IL31RA: variants seen among roughly 807,000 people sequenced by gnomAD.
IL31RA encodes the protein interleukin-31 receptor subunit alpha.
In IL31RA, 66 loss-of-function variants were observed where a neutral mutation model predicts 83.7. That is an observed-to-expected ratio of 0.79 (90% CI 0.65 to 0.97). IL31RA has a LOEUF of 0.97. Ranked by LOEUF, IL31RA falls within the 50% of genes least tolerant of loss-of-function variation. IL31RA has a pLI of 0.00. For missense variants in IL31RA, 798 were observed against 919.4 expected, an observed-to-expected ratio of 0.87 and a Z score of 1.71; for synonymous variants, 325 against 329.0, an observed-to-expected ratio of 0.99 and a Z score of 0.13.
chr5:55,894,202 C>A (rs161649), intron 6 of IL31RA, among the ~76,000 whole-genome samples: 1 of 151,430 alleles, frequency 6.6e-6, no homozygotes, highest in East Asian at 1.9e-4. Flanking sequence ...AGATTCTGCA[C>A]GTGAGAGATG....
At chr5:55,916,401 C>T (rs1244214011) in intron 14 of IL31RA, among the ~76,000 whole-genome samples, 1 of 150,994 alleles carries the variant, frequency 6.6e-6, no homozygotes, top group Non-Finnish European at 1.5e-5. Context: ...AAATTATATA[C>T]ATATAAATAA....
chr5:55,876,066 T>C (rs564898644), intron 4 of IL31RA, among the ~76,000 whole-genome samples: 1 of 152,340 alleles, frequency 6.6e-6, no homozygotes, highest in South Asian at 2.1e-4. Context: ...GAACTTTTCT[T>C]ATTTAAATTC....
chr5:55,839,927 C>A, the IL31RA span: 2 of 679,830 alleles, frequency 2.9e-6, no homozygotes, highest in Non-Finnish European at 5.5e-6. Flanking sequence ...TTGAATTTTG[C>A]AGTCAGAAGA....
intron 11 of IL31RA, 73 bp downstream of exon 11, chr5:55,908,484 G>A: frequency 6.2e-7 from 1 of 1,613,798 alleles, no homozygotes; most frequent in East Asian, 2.2e-5. Flanking sequence ...CCTGTTGTAG[G>A]CATGGCTCCC....
intron 12 of IL31RA, among the ~76,000 whole-genome samples, chr5:55,912,694 G>A (rs764702546): frequency 2.0e-5 from 3 of 152,214 alleles, no homozygotes; most frequent in African/African-American, 4.8e-5. Context: ...CTACCAGGGT[G>A]GCTGGGGCAG....
chr5:55,867,123 T>TTG (rs1362555467), intron 2 of IL31RA, among the ~76,000 whole-genome samples: 6 of 88,852 alleles, frequency 6.8e-5, no homozygotes, highest in East Asian at 3.2e-4. Flanking sequence ...ATGTGTGTGT[T>TTG]TGTGTGTGTG....
intron 6 of IL31RA, among the ~76,000 whole-genome samples, chr5:55,890,857 G>C (rs1294885604): frequency 6.6e-6 from 1 of 152,188 alleles, no homozygotes; most frequent in Non-Finnish European, 1.5e-5. Flanking sequence ...GTGTCAGTAT[G>C]GTCATTAAGA....
At chr5:55,860,760 T>C (rs1160918483) in intron 2 of IL31RA, among the ~76,000 whole-genome samples, 1 of 152,166 alleles carries the variant, frequency 6.6e-6, no homozygotes, top group Admixed American at 6.5e-5. Flanking sequence ...ACTGGTCTGG[T>C]AGTGGGAAGG....
At chr5:55,893,558 T>G (rs1251165205) in intron 6 of IL31RA, among the ~76,000 whole-genome samples, 3 of 152,214 alleles carry the variant, frequency 2.0e-5, no homozygotes, top group African/African-American at 7.2e-5. Flanking sequence ...ATTTCCCCCT[T>G]TGATTAAACT....
intron 11 of IL31RA, among the ~76,000 whole-genome samples, chr5:55,909,916 C>T (rs1034150306): frequency 3.2e-4 from 49 of 152,322 alleles, no homozygotes; most frequent in African/African-American, 1.1e-3. Context: ...GTTGGTCAGG[C>T]TGGTCTCGAA....
At chr5:55,864,077 C>T (rs1344993994) in intron 2 of IL31RA, among the ~76,000 whole-genome samples, 2 of 151,832 alleles carry the variant, frequency 1.3e-5, no homozygotes, top group African/African-American at 2.4e-5. Flanking sequence ...TGCAGGAGGC[C>T]GTAATGAGAA....
intron 6 of IL31RA, 53 bp downstream of exon 6, chr5:55,890,188 T>C: frequency 1.3e-6 from 2 of 1,580,416 alleles, no homozygotes; most frequent in Middle Eastern, 2.1e-4. Flanking sequence ...AGGGCTGCTT[T>C]GGGCTAGACT....
rs930898159 is a variant in IL31RA, at chr5:55,903,088, A to C, written c.1069+2956A>C. ...GCGGGCCTCCACGTTCCCCTCTTGGAATAAGGGCTTGGAATGAGGTTCCTT... is the reference window on the plus strand; with the variant it reads ...GCGGGCCTCCACGTTCCCCTCTTGGCATAAGGGCTTGGAATGAGGTTCCTT... On this transcript the variant is annotated intron_variant, in intron 8 of 14. Transcript: ENST00000652347. This position sits in a 1 kb window ranked among gnomAD's most constrained non-coding sequence, Gnocchi z 4.7. Among the ~76,000 whole-genome samples the C allele has an allele frequency of 6.6e-6, 1 of 152,172 alleles. No homozygotes were observed. The highest frequency in any genetic ancestry group is 1.5e-5 in the Non-Finnish European group (1 of 68,038).
the IL31RA span, among the ~76,000 whole-genome samples, chr5:55,845,405 G>T: frequency 3.0e-5 from 3 of 100,616 alleles, no homozygotes; most frequent in African/African-American, 1.2e-4. Flanking sequence ...CTGTAGTGGG[G>T]TATTTTCTTT....
intron 7 of IL31RA, among the ~76,000 whole-genome samples, chr5:55,899,634 A>T (rs928563383): frequency 6.6e-6 from 1 of 152,224 alleles, no homozygotes; most frequent in Non-Finnish European, 1.5e-5. Flanking sequence ...CGAAAGATAC[A>T]GGCAGAAGGA....
In IL31RA at chr5:55,851,543, G is replaced by A; in HGVS notation, c.-28G>A. The A allele has an allele frequency of 6.2e-7, 1 of 1,614,028 alleles. No homozygotes were observed. The highest frequency in any genetic ancestry group is 8.5e-7 in the Non-Finnish European group (1 of 1,179,922). The stretch of plus-strand genomic sequence containing the variant: ...ATGAAAATTGAGACAGGAAGGCAGA[G>A]TGTCAGCTTGTTCCACCTCAGCTGG... On this transcript the variant is annotated 5_prime_UTR_variant, in exon 1 of 15. The change creates a new upstream start codon in the 5' untranslated region. Coordinates refer to ENST00000652347, the MANE Select transcript of IL31RA (RefSeq NM_139017.7).
rs1750121455 is a variant in IL31RA, at chr5:55,922,097, A to G, written c.*4977A>G. On this transcript the variant is annotated 3_prime_UTR_variant, in exon 15 of 15. Coordinates refer to ENST00000652347, the MANE Select transcript of IL31RA (RefSeq NM_139017.7). ...CCTGAAGAGTGGAGTGTGACTAAGG[A>G]TAACAGCAGTCCTCATTTCCTTTGG... Among the ~76,000 whole-genome samples the G allele has an allele frequency of 1.5e-5, 2 of 135,734 alleles. No homozygotes were observed. The highest frequency in any genetic ancestry group is 2.7e-5 in the African/African-American group (1 of 36,996). The allele number at this position is 135,734 out of a possible 152,430, so 89.0% of individuals were successfully genotyped here.
At position 55,918,205 on chromosome 5, in the gene IL31RA, G is replaced by A. The variant is rs766520198; in HGVS notation, c.*1085G>A. Among the ~76,000 whole-genome samples the A allele has an allele frequency of 3.0e-4, 46 of 152,274 alleles. No homozygotes were observed. The Middle Eastern group carries it at 0.01, about 34-fold the overall frequency. ...GCTGTGACTCCCTTGACCTTTGTGGGAGGCCACTAGGAGGCTGGTGAGATC... is the reference window on the plus strand; with the variant it reads ...GCTGTGACTCCCTTGACCTTTGTGGAAGGCCACTAGGAGGCTGGTGAGATC... On this transcript the variant is annotated 3_prime_UTR_variant, in exon 15 of 15. Coordinates refer to ENST00000652347, the MANE Select transcript of IL31RA (RefSeq NM_139017.7).
intron 12 of IL31RA, among the ~76,000 whole-genome samples, chr5:55,911,055 G>A (rs888036746): frequency 2.0e-5 from 3 of 152,132 alleles, no homozygotes; most frequent in South Asian, 4.1e-4. Context: ...GTATTAGTCT[G>A]TTTTCACGCT....
Sources: gnomAD v4.1 joint callset for allele counts (sites outside exome capture counted in the v4.1 genomes callset) on GRCh38, gnomAD v4.1.1 for gene constraint, Gnocchi (gnomAD v3.1) non-coding constraint, MANE v1.5 for transcripts, NCBI Gene and HGNC (gene_info 2026-07-23, HGNC 2026-07-21) for gene names.